Variants in ZNF558 observed in about 807,000 individuals in gnomAD.
The protein encoded by ZNF558 is zinc finger protein 558.
A neutral mutation model predicts 37.6 loss-of-function variants in ZNF558; 23 were observed. The observed-to-expected ratio is 0.61, with a 90% CI of 0.44 to 0.87. The LOEUF (loss-of-function observed/expected upper bound fraction) is 0.87, where lower values mean the gene tolerates loss of function less well. ZNF558 is among the 40% of genes least tolerant of loss of function. The pLI is 0.00. For missense variants in ZNF558, 429 were observed against 483.7 expected (o/e 0.89, Z 1.06); for synonymous variants, 189 against 174.4 (o/e 1.08, Z -0.66).
chr19:8,835,043 A>G (rs539365142), upstream of ZNF558, among the ~76,000 whole-genome samples: 1 of 151,902 alleles, frequency 6.6e-6, no homozygotes, highest in East Asian at 1.9e-4. Context: ...AAAAGTGAAC[A>G]AAGAGTTTTT....
rs1340380224 is a variant in ZNF558, at chr19:8,812,051, G to A, written c.439C>T (p.Arg147Cys). The A allele has an allele frequency of 1.0e-5, 16 of 1,585,294 alleles. 1 individual carries two copies. Among genetic ancestry groups the A allele is most frequent in the South Asian group, 4.7e-5 (4 of 85,964 alleles). The change falls in exon 10 of 10, where the codon CGT becomes TGT. Residue 147 changes from arginine (R) to cysteine (C), a missense_variant. Coordinates refer to ENST00000601372, the MANE Select transcript of ZNF558 (RefSeq NM_144693.3). ...SKGVKTERSH[R>C]GVKLNECNQC... ...TTACATTCATTGAGTTTCACTCCAC[G>A]ATGACTTCTTTCCTGTGGATTAAGA...
chr19:8,833,918 G>T (rs1344217411), upstream of ZNF558, among the ~76,000 whole-genome samples: 1 of 152,076 alleles, frequency 6.6e-6, no homozygotes, highest in African/African-American at 2.4e-5. Context: ...AACTCGGGAG[G>T]TGGAGGTTGA....
At position 8,828,375 on chromosome 19, in the gene ZNF558, G is replaced by A. The variant is rs115477700; in HGVS notation, c.-509+2943C>T. Among the ~76,000 whole-genome samples, 1,078 of 152,274 alleles carry A rather than the reference G, an allele frequency of 7.1e-3. 11 individuals carry two copies. Among genetic ancestry groups the A allele is most frequent in the African/African-American group, 0.025 (1,022 of 41,560 alleles). Reference sequence around the variant, plus strand: ...GCTGGCTCAGAGACCCCAGATAAGCGGGACATGAAGGCTGAGCTTCAGCGT... The same window carrying A: ...GCTGGCTCAGAGACCCCAGATAAGCAGGACATGAAGGCTGAGCTTCAGCGT... On this transcript the variant is annotated intron_variant, in intron 2 of 9. Transcript: ENST00000601372.
upstream of ZNF558, chr19:8,832,620 AGGC>A (rs1336884514): frequency 7.6e-6 from 1 of 131,876 alleles, no homozygotes; most frequent in Non-Finnish European, 1.6e-5. Flanking sequence ...GCGGGGCTGA[AGGC>A]GGGGAACCGG....
Position 8,822,933 on chromosome 19 carries a change from C to T in ZNF558, c.-65-209G>A. 2.0e-6 allele frequency: 1 copy of T among 509,128 alleles called. No individual in the cohort carries two copies. The highest frequency in any genetic ancestry group is 3.6e-6 in the Non-Finnish European group (1 of 279,874). The allele number at this position is 509,128 out of a possible 1,614,324, so 31.5% of individuals were successfully genotyped here. ...TCTGTCCCCAACACAACGACCAGTACCTCCCTGACCCACCCGCTTTGAGAA... is the reference window on the plus strand; with the variant it reads ...TCTGTCCCCAACACAACGACCAGTATCTCCCTGACCCACCCGCTTTGAGAA... On this transcript the variant is annotated intron_variant, in intron 4 of 9. Coordinates refer to ENST00000601372, the MANE Select transcript of ZNF558 (RefSeq NM_144693.3). This position sits in a 1 kb window ranked among gnomAD's most constrained non-coding sequence, Gnocchi z 4.4.
intron 2 of ZNF558, among the ~76,000 whole-genome samples, chr19:8,825,324 A>C (rs2044207198): frequency 6.6e-6 from 1 of 152,118 alleles, no homozygotes. Context: ...GATAGCTTTA[A>C]GGTTGGTGCA....
upstream of ZNF558, among the ~76,000 whole-genome samples, chr19:8,834,234 T>A (rs1257263052): frequency 6.6e-6 from 1 of 152,108 alleles, no homozygotes; most frequent in African/African-American, 2.4e-5. Context: ...AGTTCAAAAT[T>A]CAATATACTA....
rs782387678 is a variant in ZNF558 at position 8,811,017 on chromosome 19, G to A, written c.*264C>T. 17 of 360,618 alleles carry A rather than the reference G, an allele frequency of 4.7e-5. No individual in the cohort carries two copies. The highest frequency in any genetic ancestry group is 7.0e-5 in the Non-Finnish European group (14 of 199,208). The allele number at this position is 360,618 out of a possible 1,614,324, so 22.3% of individuals were successfully genotyped here. A position where few individuals can be genotyped will look rare whatever the true frequency, so the allele number is the denominator to read the frequency against. On this transcript the variant is annotated 3_prime_UTR_variant, in exon 10 of 10. Transcript: ENST00000601372. ...GGACTGTTCATCAGTAAAGATGTTAGATGACTATAGCTTTGGCTGACATCT... is the reference window on the plus strand; with the variant it reads ...GGACTGTTCATCAGTAAAGATGTTAAATGACTATAGCTTTGGCTGACATCT...
Position 8,819,338 on chromosome 19 carries a change from G to A in ZNF558, c.247+1842C>T, listed in dbSNP as rs1047645154. On this transcript the variant is annotated intron_variant, in intron 7 of 9. Transcript: ENST00000601372. ...TGGGATTACAGGCACCTGCCACCACGCCTGGCTAATTTTTGCATTTTTAGT... is the reference window on the plus strand; with the variant it reads ...TGGGATTACAGGCACCTGCCACCACACCTGGCTAATTTTTGCATTTTTAGT... Among the ~76,000 whole-genome samples the A allele has an allele frequency of 2.6e-5, 4 of 152,026 alleles. No individual in the cohort carries two copies. In the South Asian group the frequency reaches 6.2e-4, roughly 24 times the overall value.
At chr19:8,821,038 C>A in intron 7 of ZNF558, 142 bp downstream of exon 7, 1 of 1,308,608 alleles carries the variant, frequency 7.6e-7, no homozygotes. Context: ...GTATGAAAAA[C>A]CACTGGACTG....
intron 7 of ZNF558, among the ~76,000 whole-genome samples, chr19:8,813,965 C>G (rs2043863991): frequency 6.6e-6 from 1 of 152,188 alleles, no homozygotes; most frequent in Non-Finnish European, 1.5e-5. Context: ...CAGAGGTGCT[C>G]AAGAAAACTT....
At position 8,813,217 on chromosome 19, in the gene ZNF558, G is replaced by A. The variant is rs782433139; in HGVS notation, c.253C>T (p.Arg85Cys). The A allele has an allele frequency of 5.7e-5, 90 of 1,587,934 alleles. No individual in the cohort carries two copies. The highest frequency in any genetic ancestry group is 3.2e-4 in the Admixed American group (18 of 55,988). ...NCRNLASLGC[R>C]VNKPSLISQL... is the part of the protein sequence containing the mutation. Reference sequence around the variant, plus strand: ...GATATCAGACTGGGTTTATTAACACGACACCCTATTTATGGAAACAATACA... The same window carrying A: ...GATATCAGACTGGGTTTATTAACACAACACCCTATTTATGGAAACAATACA... Residue 85 changes from arginine (R) to cysteine (C), a missense_variant, in exon 8 of 10, where the codon CGT (arginine) becomes TGT (cysteine). Coordinates refer to ENST00000601372, the MANE Select transcript of ZNF558 (RefSeq NM_144693.3).
chr19:8,812,139 T>G, intron 9 of ZNF558, 76 bp from the exon 10 acceptor site: 1 of 1,265,990 alleles, frequency 7.9e-7, no homozygotes, highest in Non-Finnish European at 1.0e-6. Context: ...GAATCTTCTC[T>G]CCCAGGAATT....
Position 8,811,756 on chromosome 19 carries a change from A to G in ZNF558, c.734T>C (p.Phe245Ser), listed in dbSNP as rs781957139. ...GCTTTTGAGGTTACAACTGGTGCGG[A>G]AAACGTGAAAACACTGGTTACATTC... is the stretch of plus-strand genomic sequence containing the variant. The part of the protein sequence containing the change: ...PYECNQCFHV[F>S]RTSCNLKSHK... Residue 245 changes from phenylalanine (F) to serine (S), a missense_variant, in exon 10 of 10, where the codon TTC (phenylalanine) becomes TCC (serine). Phe to Ser is a radical substitution (Grantham distance 155, BLOSUM62 -2). Transcript: ENST00000601372. The G allele has an allele frequency of 1.9e-6, 3 of 1,614,154 alleles. No homozygotes were observed. Among genetic ancestry groups the G allele is most frequent in the Non-Finnish European group, 2.5e-6 (3 of 1,180,032 alleles).
In ZNF558 at chr19:8,807,579, T is replaced by C. The variant is rs1313585509; in HGVS notation, c.*3702A>G. On this transcript the variant is annotated 3_prime_UTR_variant, in exon 10 of 10. Coordinates refer to ENST00000601372, the MANE Select transcript of ZNF558 (RefSeq NM_144693.3). ...CACTCCAGCTGTATTGGCCTCCTTG[T>C]TGTGGGCCTTTGCATGCCAACACTA... 1 of 152,242 alleles carries C rather than the reference T, an allele frequency of 6.6e-6. No homozygotes were observed. The highest frequency in any genetic ancestry group is 6.5e-5 in the Admixed American group (1 of 15,284). 9.4% of individuals were successfully genotyped at this position (152,242 alleles called of 1,614,324 possible).
chr19:8,837,163 A>T (rs1181366530), upstream of ZNF558, among the ~76,000 whole-genome samples: 1 of 152,216 alleles, frequency 6.6e-6, no homozygotes, highest in African/African-American at 2.4e-5. Context: ...CCAGTTTCTC[A>T]GCAGGTACTT....
At chr19:8,826,297 A>G (rs190673146) in intron 2 of ZNF558, among the ~76,000 whole-genome samples, 3 of 152,134 alleles carry the variant, frequency 2.0e-5, no homozygotes, top group East Asian at 1.9e-4. Flanking sequence ...TTATAAGCAC[A>G]TTACATTTAT....
At chr19:8,813,957 G>A (rs1436595698) in intron 7 of ZNF558, among the ~76,000 whole-genome samples, 1 of 152,226 alleles carries the variant, frequency 6.6e-6, no homozygotes, top group Non-Finnish European at 1.5e-5. Flanking sequence ...TAGGAACACA[G>A]AGGTGCTCAA....
intron 7 of ZNF558, among the ~76,000 whole-genome samples, chr19:8,820,957 C>T (rs533947280): frequency 7.2e-5 from 11 of 151,874 alleles, no homozygotes; most frequent in South Asian, 4.2e-4. Flanking sequence ...TTCATAGGGA[C>T]GGGGTTTCCT....
Sources: gnomAD v4.1 joint callset for allele counts (sites outside exome capture counted in the v4.1 genomes callset) on GRCh38, gnomAD v4.1.1 for gene constraint, Gnocchi (gnomAD v3.1) non-coding constraint, MANE v1.5 for transcripts, NCBI Gene and HGNC (gene_info 2026-07-23, HGNC 2026-07-21) for gene names.